Variants in RFT1 observed in about 807,000 individuals in gnomAD.
The protein encoded by RFT1 is man(5)GlcNAc(2)-PP-dolichol translocation protein RFT1.
RFT1 carries 43 observed loss-of-function variants against 62.2 expected under a neutral mutation model. That is an observed-to-expected ratio of 0.69 (90% CI 0.54 to 0.89). RFT1 has a LOEUF of 0.89. Ranked by LOEUF, RFT1 falls within the 40% of genes least tolerant of loss-of-function variation. The pLI is 0.00. For synonymous variants in RFT1, 262 were observed against 264.6 expected, an observed-to-expected ratio of 0.99 and a Z score of 0.10; for missense variants, 605 against 649.9, an observed-to-expected ratio of 0.93 and a Z score of 0.75.
intron 9 of RFT1, 97 bp downstream of exon 9, chr3:53,105,576 T>C (rs2107114686): frequency 7.0e-7 from 1 of 1,436,636 alleles, no homozygotes; most frequent in Non-Finnish European, 9.8e-7. Context: ...AGAAAATTCC[T>C]GATCAAACAG....
the RFT1 span, among the ~76,000 whole-genome samples, chr3:53,075,066 T>A: frequency 6.6e-6 from 1 of 152,142 alleles, no homozygotes; most frequent in South Asian, 2.1e-4. Flanking sequence ...CAAGGCCCCT[T>A]GCCCCACAGG....
intron 6 of RFT1, among the ~76,000 whole-genome samples, chr3:53,116,609 CTTTTTT>C (rs201773042): frequency 5.5e-5 from 8 of 146,608 alleles, no homozygotes; most frequent in Non-Finnish European, 7.5e-5. Context: ...TTTTCTTTCT[CTTTTTT>C]TTTTGAGACA....
intron 1 of RFT1, 124 bp downstream of exon 1, chr3:53,130,214 C>G: frequency 1.0e-6 from 1 of 960,916 alleles, no homozygotes; most frequent in Non-Finnish European, 1.6e-6. Context: ...CCCCCCCACC[C>G]CCTCCATTGC....
At chr3:53,125,358 C>T (rs925352143) in intron 2 of RFT1, among the ~76,000 whole-genome samples, 1 of 152,076 alleles carries the variant, frequency 6.6e-6, no homozygotes, top group African/African-American at 2.4e-5. Context: ...AGAAAGGAGG[C>T]GAGTAGAAGA....
chr3:53,076,150 T>G, the RFT1 span, among the ~76,000 whole-genome samples: 2 of 152,230 alleles, frequency 1.3e-5, no homozygotes, highest in Non-Finnish European at 2.9e-5. Context: ...TTTGTGTGGC[T>G]GCCGCCCCAC....
In RFT1 at chr3:53,113,754, A is replaced by G. The variant is rs952586695; in HGVS notation, c.697-1846T>C. Among the ~76,000 whole-genome samples the G allele has an allele frequency of 9.9e-4, 151 of 152,298 alleles. 1 individual carries two copies. Among genetic ancestry groups the G allele is most frequent in the African/African-American group, 3.5e-3 (147 of 41,556 alleles). On this transcript the variant is annotated intron_variant, in intron 6 of 12. Transcript: ENST00000296292. The stretch of plus-strand genomic sequence containing the variant: ...AATATGTATTTTGCATTTATGACTC[A>G]TCTGAATTCAGACTAGCCATATTCC...
intron 2 of RFT1, 122 bp downstream of exon 2, chr3:53,125,787 C>A: frequency 1.3e-6 from 1 of 762,838 alleles, no homozygotes; most frequent in Non-Finnish European, 2.2e-6. Context: ...ACTGCTAAGA[C>A]ATTCTGCTTC....
chr3:53,090,200 C>T lies in RFT1; in HGVS notation c.*1703G>A, dbSNP rs1298807521. On this transcript the variant is annotated 3_prime_UTR_variant, in exon 13 of 13. Coordinates refer to ENST00000296292, the MANE Select transcript of RFT1 (RefSeq NM_052859.4). ...TGAGGATCATGCTTGAGTCTGGGGT[C>T]AGGTGGGCACGGGATAGGTGCAGGG... 1 of 152,836 alleles carries T rather than the reference C, an allele frequency of 6.5e-6. No homozygotes were observed. Among genetic ancestry groups the T allele is most frequent in the Non-Finnish European group, 1.5e-5 (1 of 68,174 alleles). The allele number at this position is 152,836 out of a possible 1,614,324, so 9.5% of individuals were successfully genotyped here.
intron 10 of RFT1, chr3:53,103,615 T>G (rs976964915): frequency 1.5e-4 from 54 of 370,330 alleles, no homozygotes; most frequent in Non-Finnish European, 2.4e-4. Context: ...CATTACCGTC[T>G]GCCCTCTGCC....
At position 53,121,765 on chromosome 3, in the gene RFT1, G is replaced by T; in HGVS notation, c.492C>A (p.Ser164Arg). 1 of 1,613,896 alleles carries T rather than the reference G, an allele frequency of 6.2e-7. No individual in the cohort carries two copies. The change falls in exon 5 of 13, where the codon AGC (serine) becomes AGA (arginine). Residue 164 changes from serine to arginine, a missense_variant. Physicochemically the swap from Ser to Arg is moderately radical, Grantham distance 110. Transcript: ENST00000296292. The part of the protein sequence containing the change: ...IAESLSVILK[S>R]VLTAFLVLWL... ...ACAGCACGAGAAAAGCTGTCAGAACGCTCTTAAGAATTACCGACAGGCTCT... is the reference window on the plus strand; with the variant it reads ...ACAGCACGAGAAAAGCTGTCAGAACTCTCTTAAGAATTACCGACAGGCTCT...
chr3:53,071,701 C>A, the RFT1 span, among the ~76,000 whole-genome samples: 1 of 152,218 alleles, frequency 6.6e-6, no homozygotes, highest in Non-Finnish European at 1.5e-5. Flanking sequence ...TGGTTCCCAG[C>A]AGTATTGGGA....
chr3:53,074,811 CAG>C, the RFT1 span, among the ~76,000 whole-genome samples: 2 of 152,180 alleles, frequency 1.3e-5, no homozygotes, highest in Non-Finnish European at 2.9e-5. Flanking sequence ...AAGCTCAAGA[CAG>C]AAGCTCTGCC....
At chr3:53,070,479 G>A in the RFT1 span, among the ~76,000 whole-genome samples, 4 of 128,122 alleles carry the variant, frequency 3.1e-5, no homozygotes. Context: ...TCAGCTTATC[G>A]CAACCTCCGC....
intron 6 of RFT1, among the ~76,000 whole-genome samples, chr3:53,119,376 G>C (rs534292545): frequency 1.3e-5 from 2 of 152,338 alleles, no homozygotes; most frequent in African/African-American, 2.4e-5. Context: ...CCAGGCTGCT[G>C]TCCTCACTCT....
chr3:53,079,009 G>A, the RFT1 span, among the ~76,000 whole-genome samples: 1 of 152,230 alleles, frequency 6.6e-6, no homozygotes, highest in East Asian at 1.9e-4. Context: ...GGCTGGGATC[G>A]GAATACAGTT....
At chr3:53,094,308 G>A (rs564231313) in intron 11 of RFT1, among the ~76,000 whole-genome samples, 6 of 151,970 alleles carry the variant, frequency 3.9e-5, no homozygotes, top group East Asian at 1.9e-4. Context: ...GCTGTGTGCT[G>A]TGGAGATACG....
At position 53,090,542 on chromosome 3, in the gene RFT1, T is replaced by C. The variant is rs1474911419; in HGVS notation, c.*1361A>G. 1.3e-5 allele frequency: 2 copies of C among 152,338 alleles called. No homozygotes were observed. The highest frequency in any genetic ancestry group is 1.3e-4 in the Admixed American group (2 of 15,304). The allele number at this position is 152,338 out of a possible 1,614,324, so 9.4% of individuals were successfully genotyped here. On this transcript the variant is annotated 3_prime_UTR_variant, in exon 13 of 13. Transcript: ENST00000296292. ...CTGCCAGGTGACTGGGCCCCAGTCTTGGTGTACTGACAGGTCTTAATCCTT... is the reference window on the plus strand; with the variant it reads ...CTGCCAGGTGACTGGGCCCCAGTCTCGGTGTACTGACAGGTCTTAATCCTT...
intron 11 of RFT1, among the ~76,000 whole-genome samples, chr3:53,096,872 G>A (rs1356177170): frequency 6.6e-6 from 1 of 152,018 alleles, no homozygotes; most frequent in East Asian, 2.0e-4. Context: ...AGCCTCGCGG[G>A]TAGCTGGGAT....
Position 53,122,490 on chromosome 3 carries a change from T to G in RFT1, c.340A>C (p.Asn114His), listed in dbSNP as rs556717766. The change falls in exon 4 of 13, where the codon AAT becomes CAT. Residue 114 changes from asparagine (N) to histidine (H), a missense_variant. Coordinates refer to ENST00000296292, the MANE Select transcript of RFT1 (RefSeq NM_052859.4). ...WLQLLEVPDP[N>H]VVPHYATGVV... is the part of the protein sequence containing the mutation. Reference sequence around the variant, plus strand: ...CCAGTTGCATAGTGAGGGACAACATTAGGATCAGGCACTTCAAGCAGCTGC... The same window carrying G: ...CCAGTTGCATAGTGAGGGACAACATGAGGATCAGGCACTTCAAGCAGCTGC... 4 of 1,613,746 alleles carry G rather than the reference T, an allele frequency of 2.5e-6. No individual in the cohort carries two copies. The African/African-American group carries it at 5.3e-5, about 22-fold the overall frequency.
Sources: gnomAD v4.1 joint callset for allele counts (sites outside exome capture counted in the v4.1 genomes callset) on GRCh38, gnomAD v4.1.1 for gene constraint, MANE v1.5 for transcripts, NCBI Gene and HGNC (gene_info 2026-07-23, HGNC 2026-07-21) for gene names.